Variants in ZBTB20 observed in about 807,000 individuals in gnomAD.
ZBTB20 encodes zinc finger and BTB domain containing 20, also known as zinc finger and BTB domain-containing protein 20.
In ZBTB20, 9 loss-of-function variants were observed where a neutral mutation model predicts 56.9. The observed-to-expected ratio is 0.16, with a 90% CI of 0.10 to 0.28. The LOEUF is 0.28. ZBTB20 is among the 10% of genes least tolerant of loss of function. ZBTB20 has a pLI of 1.00. For synonymous variants in ZBTB20, 417 were observed against 420.7 expected, an observed-to-expected ratio of 0.99 and a Z score of 0.11; for missense variants, 655 against 1,003.0, an observed-to-expected ratio of 0.65 and a Z score of 4.69.
At chr3:114,611,262 C>T (rs904307458) in intron 6 of ZBTB20, among the ~76,000 whole-genome samples, 4 of 152,114 alleles carry the variant, frequency 2.6e-5, no homozygotes, top group South Asian at 4.1e-4. Flanking sequence ...CTATCTATAC[C>T]GGTGGTACAG....
chr3:114,381,301 G>A (rs978568523), intron 8 of ZBTB20, among the ~76,000 whole-genome samples: 3 of 152,158 alleles, frequency 2.0e-5, no homozygotes, highest in African/African-American at 7.2e-5. Flanking sequence ...TGGGACATGA[G>A]GAAGAGAAGG....
intron 2 of ZBTB20, among the ~76,000 whole-genome samples, chr3:115,003,490 T>G (rs2079339464): frequency 1.3e-5 from 2 of 151,734 alleles, no homozygotes; most frequent in East Asian, 3.9e-4. Flanking sequence ...ATTGTTTTAG[T>G]TAAATCCATT....
intron 3 of ZBTB20, among the ~76,000 whole-genome samples, chr3:114,936,865 A>T (rs1297721572): frequency 6.6e-6 from 1 of 152,110 alleles, no homozygotes; most frequent in Non-Finnish European, 1.5e-5. Context: ...GGTATGTGAG[A>T]TAATTATTTG....
intron 7 of ZBTB20, among the ~76,000 whole-genome samples, chr3:114,487,805 G>A: frequency 6.6e-6 from 1 of 152,180 alleles, no homozygotes. Flanking sequence ...ATTTCATTAA[G>A]TATGTAGTAA....
At chr3:115,065,080 T>A (rs943771598) in intron 2 of ZBTB20, among the ~76,000 whole-genome samples, 1 of 152,158 alleles carries the variant, frequency 6.6e-6, no homozygotes, top group African/African-American at 2.4e-5. Context: ...AATCAGATGT[T>A]CAGCTTGTTG....
chr3:114,995,732 CA>C (rs1287601195), intron 2 of ZBTB20, among the ~76,000 whole-genome samples: 3 of 151,702 alleles, frequency 2.0e-5, no homozygotes, highest in Admixed American at 1.3e-4. Context: ...TCCCAAACCC[CA>C]CAAATCTCTG....
At chr3:115,078,217 C>T (rs1340857590) in intron 1 of ZBTB20, among the ~76,000 whole-genome samples, 1 of 152,130 alleles carries the variant, frequency 6.6e-6, no homozygotes, top group Non-Finnish European at 1.5e-5. Flanking sequence ...ATATCTCACA[C>T]TATCTAGAAC....
At chr3:115,115,128 G>A (rs927913522) in intron 1 of ZBTB20, among the ~76,000 whole-genome samples, 6 of 151,922 alleles carry the variant, frequency 3.9e-5, no homozygotes, top group South Asian at 2.1e-4. Flanking sequence ...CTTAAAAAAC[G>A]AAAACAAAGT....
chr3:114,375,469 G>A (rs1303504850), intron 10 of ZBTB20, among the ~76,000 whole-genome samples: 1 of 152,114 alleles, frequency 6.6e-6, no homozygotes, highest in Non-Finnish European at 1.5e-5. Flanking sequence ...TTACTTTCCA[G>A]TTTGAATACA....
chr3:114,717,113 T>C (rs960999961), intron 5 of ZBTB20, among the ~76,000 whole-genome samples: 1 of 152,146 alleles, frequency 6.6e-6, no homozygotes, highest in African/African-American at 2.4e-5. Context: ...TACTTACCCT[T>C]GCAGAGCCTT....
chr3:115,001,954 A>C (rs2079269303), intron 2 of ZBTB20, among the ~76,000 whole-genome samples: 1 of 151,526 alleles, frequency 6.6e-6, no homozygotes, highest in Admixed American at 6.6e-5. Context: ...ATATTGAAGA[A>C]AGAGTCAGAA....
At chr3:114,374,736 A>G (rs1409030547) in intron 10 of ZBTB20, among the ~76,000 whole-genome samples, 1 of 152,206 alleles carries the variant, frequency 6.6e-6, no homozygotes, top group Non-Finnish European at 1.5e-5. Flanking sequence ...CTTTTGTTTG[A>G]TTATACATTT....
chr3:115,128,669 A>AAAAAG lies in ZBTB20; in HGVS notation c.-703+18545_-703+18549dup, dbSNP rs1163940273. 4.1e-4 allele frequency among the ~76,000 whole-genome samples: 61 copies of AAAAAG among 148,482 alleles called. 1 individual carries two copies. Among genetic ancestry groups the AAAAAG allele is most frequent in the African/African-American group, 1.4e-3 (55 of 39,986 alleles). ...ACAGTGCAAGATTCTGACTCAAAAA[A>AAAAAG]AAAAGAAAAGAAAAGAAAAGGGAAG... On this transcript the variant is annotated intron_variant, in intron 1 of 11. Coordinates refer to ENST00000675478, the MANE Select transcript of ZBTB20 (RefSeq NM_001348800.3).
At chr3:115,027,721 A>C (rs2080482768) in intron 2 of ZBTB20, 1 of 151,024 alleles carries the variant, frequency 6.6e-6, no homozygotes, top group South Asian at 2.1e-4. Context: ...AGAAAGCATT[A>C]AAATATGTCA....
intron 7 of ZBTB20, among the ~76,000 whole-genome samples, chr3:114,410,249 C>A (rs2087799077): frequency 6.6e-6 from 1 of 151,900 alleles, no homozygotes. Context: ...TTACTGATTC[C>A]TTGTTCCCTT....
chr3:114,392,728 A>T (rs1003048997), intron 7 of ZBTB20, among the ~76,000 whole-genome samples: 2 of 152,196 alleles, frequency 1.3e-5, no homozygotes, highest in African/African-American at 2.4e-5. Context: ...AGAAATGCAT[A>T]GACAATTGCC....
chr3:115,079,213 T>C (rs1013228500), intron 1 of ZBTB20, among the ~76,000 whole-genome samples: 6 of 152,170 alleles, frequency 3.9e-5, no homozygotes, highest in African/African-American at 1.4e-4. Context: ...ACTGTATGAA[T>C]TGCCTTGAAT....
chr3:114,898,666 A>T (rs2074984739), intron 4 of ZBTB20, among the ~76,000 whole-genome samples: 1 of 152,168 alleles, frequency 6.6e-6, no homozygotes. Flanking sequence ...AGGCTGTGGC[A>T]ATCCTCTACT....
At position 114,316,104 on chromosome 3, in the gene ZBTB20, T is replaced by C; in HGVS notation, c.*22901A>G. ...CTTTCACTGTAGTAGTTTTGTTCAGTTTGTTGTGGGTGACGAGTTTAAAAA... is the reference window on the plus strand; with the variant it reads ...CTTTCACTGTAGTAGTTTTGTTCAGCTTGTTGTGGGTGACGAGTTTAAAAA... On this transcript the variant is annotated 3_prime_UTR_variant, in exon 12 of 12. Coordinates refer to ENST00000675478, the MANE Select transcript of ZBTB20 (RefSeq NM_001348800.3). 1 of 247,812 alleles carries C rather than the reference T, an allele frequency of 4.0e-6. No homozygotes were observed. The highest frequency in any genetic ancestry group is 4.3e-5 in the South Asian group (1 of 23,124). The allele number at this position is 247,812 out of a possible 1,614,324, so 15.4% of individuals were successfully genotyped here.
Sources: allele counts gnomAD v4.1 joint callset (sites outside exome capture counted in the v4.1 genomes callset), GRCh38; gene constraint gnomAD v4.1.1; transcripts MANE v1.5; gene names NCBI Gene and HGNC (gene_info 2026-07-23, HGNC 2026-07-21).